Variants in BLTP1 observed in about 807,000 individuals in gnomAD.
BLTP1 encodes fragile site-associated protein.
the BLTP1 span, chr4:122,250,086 A>G: frequency 1.4e-6 from 1 of 718,390 alleles, no homozygotes; most frequent in Non-Finnish European, 1.7e-6. Flanking sequence ...TTTTTTATAT[A>G]TTCTTGAGTA....
At chr4:122,300,061 AG>A in the BLTP1 span, among the ~76,000 whole-genome samples, 1 of 152,158 alleles carries the variant, frequency 6.6e-6, no homozygotes, top group African/African-American at 2.4e-5. Context: ...GCTGGAATGT[AG>A]TGGTGCCATC....
the BLTP1 span, chr4:122,189,798 CAT>C: frequency 1.1e-6 from 1 of 901,514 alleles, no homozygotes; most frequent in Non-Finnish European, 1.3e-6. Context: ...TTAAGTCCAA[CAT>C]AGAATAAAAC....
At chr4:122,355,987 C>T in the BLTP1 span, 1 of 1,595,602 alleles carries the variant, frequency 6.3e-7, no homozygotes, top group Non-Finnish European at 8.6e-7. Context: ...GCCTTCATTA[C>T]AGGGTATGTA....
chr4:122,343,858 TG>T, the BLTP1 span: 30 of 695,656 alleles, frequency 4.3e-5, no homozygotes, highest in South Asian at 6.4e-5. Context: ...CAGTAATCTC[TG>T]GATATCAGAG....
At chr4:122,208,982 C>T in the BLTP1 span, 1 of 356,294 alleles carries the variant, frequency 2.8e-6, no homozygotes, top group Non-Finnish European at 3.3e-6. Flanking sequence ...AGAGTGAGAC[C>T]ATTAAAAAAA....
chr4:122,229,210 T>G, the BLTP1 span: 3 of 1,611,328 alleles, frequency 1.9e-6, no homozygotes, highest in East Asian at 6.7e-5. Flanking sequence ...ATATTTACAT[T>G]GTTGAGCATG....
chr4:122,242,892 T>C, the BLTP1 span: 2 of 723,036 alleles, frequency 2.8e-6, no homozygotes, highest in Non-Finnish European at 4.6e-6. Flanking sequence ...TTATATCAAA[T>C]ATATCAAAAT....
At chr4:122,201,678 A>G in the BLTP1 span, among the ~76,000 whole-genome samples, 1 of 152,190 alleles carries the variant, frequency 6.6e-6, no homozygotes, top group Non-Finnish European at 1.5e-5. Context: ...TGGTCTATGA[A>G]TAGCATAAAT....
chr4:122,177,464 C>G, the BLTP1 span, among the ~76,000 whole-genome samples: 1 of 152,328 alleles, frequency 6.6e-6, no homozygotes, highest in African/African-American at 2.4e-5. Context: ...TTATTCCTCT[C>G]TCTTCCCAGA....
the BLTP1 span, among the ~76,000 whole-genome samples, chr4:122,236,352 G>A: frequency 1.3e-5 from 2 of 152,154 alleles, no homozygotes; most frequent in East Asian, 1.9e-4. Flanking sequence ...AAACTTCTTG[G>A]CATTTAAGTG....
the BLTP1 span, chr4:122,279,648 A>G: frequency 3.5e-5 from 38 of 1,085,220 alleles, no homozygotes; most frequent in Non-Finnish European, 4.7e-5. Context: ...TGTAATACAC[A>G]TTTTCCATGA....
chr4:122,319,699 C>T, the BLTP1 span, among the ~76,000 whole-genome samples: 42 of 151,928 alleles, frequency 2.8e-4, no homozygotes, highest in Middle Eastern at 3.2e-3. Flanking sequence ...CACCACCATA[C>T]CTGGCTAATT....
At chr4:122,192,164 T>C in the BLTP1 span, 5 of 1,554,406 alleles carry the variant, frequency 3.2e-6, no homozygotes, top group East Asian at 2.3e-5. Flanking sequence ...GAGCTACTGA[T>C]CTAAGGAAAC....
the BLTP1 span, chr4:122,200,864 A>G: frequency 1.6e-6 from 2 of 1,268,086 alleles, no homozygotes; most frequent in Admixed American, 3.3e-5. Flanking sequence ...CCACAGCAAT[A>G]TTAAAGTCTC....
At chr4:122,276,695 C>A in the BLTP1 span, 1 of 899,332 alleles carries the variant, frequency 1.1e-6, no homozygotes, top group East Asian at 1.2e-4. Flanking sequence ...CATTTCAGAG[C>A]CTACCTTCAT....
the BLTP1 span, chr4:122,258,847 T>C: frequency 6.3e-7 from 1 of 1,582,450 alleles, no homozygotes; most frequent in Non-Finnish European, 8.6e-7. Context: ...AATAAAGGTA[T>C]ATTATTGCTC....
the BLTP1 span, chr4:122,246,619 G>T: frequency 1.9e-6 from 3 of 1,552,896 alleles, no homozygotes; most frequent in African/African-American, 1.4e-5. Context: ...TCATTTTTGT[G>T]CATATTTTAT....
the BLTP1 span, among the ~76,000 whole-genome samples, chr4:122,268,188 TA>T: frequency 2.3e-3 from 349 of 151,844 alleles, 1 homozygote; most frequent in African/African-American, 4.8e-3. Context: ...TATAGGGAAA[TA>T]AAAAAAAGTA....
At chr4:122,341,196 T>C in the BLTP1 span, among the ~76,000 whole-genome samples, 1 of 152,262 alleles carries the variant, frequency 6.6e-6, no homozygotes, top group Non-Finnish European at 1.5e-5. Flanking sequence ...GTGGAATTTC[T>C]AGGTTAGGAA....
Sources: allele counts gnomAD v4.1 joint callset (sites outside exome capture counted in the v4.1 genomes callset), GRCh38; gene constraint gnomAD v4.1.1; transcripts MANE v1.5; gene names NCBI Gene and HGNC (gene_info 2026-07-23, HGNC 2026-07-21).